The following FOXP2 variants were observed in gnomAD, a reference collection of about 807,000 sequenced individuals.
The protein encoded by FOXP2 is forkhead box P2.
In FOXP2, 12 loss-of-function variants were observed where a neutral mutation model predicts 115.8. The observed-to-expected ratio is 0.10, with a 90% CI of 0.07 to 0.17. The LOEUF (loss-of-function observed/expected upper bound fraction) is 0.17, where lower values mean the gene tolerates loss of function less well. FOXP2 is among the 10% of genes least tolerant of loss of function. The probability of loss-of-function intolerance (pLI) is 1.00; values close to 1 mark genes in which losing one functional copy is unlikely to be tolerated. For synonymous variants in FOXP2, 328 were observed against 297.7 expected (o/e 1.10, Z -1.05); for missense variants, 629 against 843.5 (o/e 0.75, Z 3.15).
chr7:114,403,169 T>A (rs578259382), intron 2 of FOXP2, among the ~76,000 whole-genome samples: 2 of 152,316 alleles, frequency 1.3e-5, no homozygotes, highest in African/African-American at 2.4e-5. Context: ...CACCTTGCAA[T>A]TGAACACAGT....
intron 2 of FOXP2, among the ~76,000 whole-genome samples, chr7:114,367,464 C>G (rs755661824): frequency 6.6e-6 from 1 of 152,048 alleles, no homozygotes; most frequent in Non-Finnish European, 1.5e-5. Context: ...TCCAATCAGA[C>G]CCCCTTATTC....
chr7:114,341,620 A>C (rs1791219628), intron 2 of FOXP2, among the ~76,000 whole-genome samples: 1 of 151,468 alleles, frequency 6.6e-6, no homozygotes, highest in African/African-American at 2.4e-5. Flanking sequence ...TGTAGTAATC[A>C]GAAATAATGA....
intron 1 of FOXP2, among the ~76,000 whole-genome samples, chr7:114,265,491 A>C (rs1795874759): frequency 1.3e-5 from 2 of 152,138 alleles, no homozygotes; most frequent in African/African-American, 4.8e-5. Flanking sequence ...TTGCTCTCAC[A>C]GGTTTTTGAG....
At chr7:114,264,522 C>T (rs1042494375) in intron 1 of FOXP2, among the ~76,000 whole-genome samples, 6 of 152,196 alleles carry the variant, frequency 3.9e-5, no homozygotes, top group Admixed American at 3.3e-4. Context: ...CTTTCCTGAT[C>T]TTCTCCTTCA....
chr7:114,305,860 A>C (rs1797001867), intron 2 of FOXP2, among the ~76,000 whole-genome samples: 1 of 151,140 alleles, frequency 6.6e-6, no homozygotes, highest in South Asian at 2.1e-4. Flanking sequence ...AAGTTATGTA[A>C]CTTGCCAAGG....
At chr7:114,613,690 GTATATATA>G (rs148230922) in intron 3 of FOXP2, 1 of 144,716 alleles carries the variant, frequency 6.9e-6, no homozygotes, top group Non-Finnish European at 1.5e-5. Flanking sequence ...AAAAAAAAAT[GTATATATA>G]TATATATATG....
intron 16 of FOXP2, chr7:114,669,503 G>A (rs1178743908): frequency 6.6e-6 from 1 of 151,888 alleles, no homozygotes; most frequent in Non-Finnish European, 1.5e-5. Flanking sequence ...TTATAATATT[G>A]TTCCCTTATG....
At chr7:114,228,693 T>A (rs1342893195) in intron 1 of FOXP2, among the ~76,000 whole-genome samples, 1 of 151,750 alleles carries the variant, frequency 6.6e-6, no homozygotes, top group Non-Finnish European at 1.5e-5. Context: ...CTTAAGAGAT[T>A]GTTATAAGAT....
chr7:114,319,123 A>T (rs1158930839), intron 2 of FOXP2, among the ~76,000 whole-genome samples: 2 of 118,008 alleles, frequency 1.7e-5, no homozygotes, highest in Non-Finnish European at 3.2e-5. Flanking sequence ...AACCTGGTGA[A>T]TGGGCTAATG....
chr7:114,207,875 A>C (rs1030337822), intron 1 of FOXP2, among the ~76,000 whole-genome samples: 1 of 152,240 alleles, frequency 6.6e-6, no homozygotes, highest in Non-Finnish European at 1.5e-5. Flanking sequence ...AAAATAACTG[A>C]AAAGGCCAGA....
chr7:114,692,404 G>C lies in FOXP2; in HGVS notation c.*2478G>C, dbSNP rs766265951. On this transcript the variant is annotated 3_prime_UTR_variant, in exon 17 of 17. Transcript: ENST00000350908. The stretch of plus-strand genomic sequence containing the variant: ...CAGAAAAACCTCCAAAACTGCAATT[G>C]CTTTGAAAATAGATTTTAGGTTTTT... 1 of 451,146 alleles carries C rather than the reference G, an allele frequency of 2.2e-6. No homozygotes were observed. Among genetic ancestry groups the C allele is most frequent in the South Asian group, 1.6e-5 (1 of 63,562 alleles). 27.9% of individuals were successfully genotyped at this position (451,146 alleles called of 1,614,324 possible).
chr7:114,474,606 A>C (rs1796177958), intron 2 of FOXP2, among the ~76,000 whole-genome samples: 1 of 152,166 alleles, frequency 6.6e-6, no homozygotes, highest in Non-Finnish European at 1.5e-5. Context: ...ATAGCAGATG[A>C]TCAGTAACAA....
chr7:114,413,540 T>A (rs980930521), upstream of FOXP2, among the ~76,000 whole-genome samples: 1 of 151,940 alleles, frequency 6.6e-6, no homozygotes, highest in African/African-American at 2.4e-5. Context: ...ATGAAAAAAA[T>A]TGCTAACAGA....
rs755139240 is a variant in FOXP2, at chr7:114,629,657, C to T, written c.397-148C>T. 3.8e-6 allele frequency: 6 copies of T among 1,598,288 alleles called. No homozygotes were observed. The South Asian group carries it at 6.6e-5, about 18-fold the overall frequency. ...TGGAAAAAAATGTATGTAGAGCTGT[C>T]TCTTTGAATCCAATGTATATTTTTT... On this transcript the variant is annotated intron_variant, in intron 4 of 16. Transcript: ENST00000350908.
At chr7:114,104,520 A>C (rs1435743307) in intron 1 of FOXP2, among the ~76,000 whole-genome samples, 1 of 152,008 alleles carries the variant, frequency 6.6e-6, no homozygotes, top group Non-Finnish European at 1.5e-5. Context: ...AAATTTAAGA[A>C]AAATGTAATT....
chr7:114,566,194 T>A (rs1424747453), intron 3 of FOXP2, among the ~76,000 whole-genome samples: 1 of 152,202 alleles, frequency 6.6e-6, no homozygotes, highest in Non-Finnish European at 1.5e-5. Flanking sequence ...GTTATTGTTT[T>A]AAAGTTTGAT....
At chr7:114,457,910 A>AC in intron 2 of FOXP2, among the ~76,000 whole-genome samples, 1 of 151,852 alleles carries the variant, frequency 6.6e-6, no homozygotes. Flanking sequence ...AAAAAAAAAA[A>AC]GTCTTCTCAT....
At chr7:114,471,935 G>C (rs189062332) in intron 2 of FOXP2, among the ~76,000 whole-genome samples, 2 of 151,308 alleles carry the variant, frequency 1.3e-5, no homozygotes, top group Non-Finnish European at 2.9e-5. Context: ...ACTCCAGCCC[G>C]GGCAACTGAG....
At chr7:114,553,652 T>C (rs1318849961) in intron 3 of FOXP2, among the ~76,000 whole-genome samples, 1 of 152,160 alleles carries the variant, frequency 6.6e-6, no homozygotes, top group Non-Finnish European at 1.5e-5. Context: ...TTTAAGTATA[T>C]GAACTAGAAG....
Sources: allele counts gnomAD v4.1 joint callset (sites outside exome capture counted in the v4.1 genomes callset), GRCh38; gene constraint gnomAD v4.1.1; transcripts MANE v1.5; gene names NCBI Gene and HGNC (gene_info 2026-07-23, HGNC 2026-07-21).